The following HDAC9 variants were observed in gnomAD, a reference collection of about 807,000 sequenced individuals.
HDAC9 encodes MEF-2 interacting transcription repressor (MITR) protein.
In HDAC9, 41 loss-of-function variants were observed where a neutral mutation model predicts 139.4. The observed-to-expected ratio is 0.29, with a 90% CI of 0.23 to 0.38. The LOEUF is 0.38. Among genes scored for constraint, HDAC9 ranks in the 10% least tolerant of loss-of-function variants. HDAC9 has a pLI of 1.00. For missense variants in HDAC9, 1,147 were observed against 1,297.0 expected (o/e 0.88, Z 1.78); for synonymous variants, 517 against 476.2 (o/e 1.09, Z -1.12).
chr7:18,269,826 A>T (rs1287148899), intron 2 of HDAC9, among the ~76,000 whole-genome samples: 2 of 152,142 alleles, frequency 1.3e-5, no homozygotes, highest in Non-Finnish European at 2.9e-5. Context: ...TGGGCTGCCT[A>T]AATATGTAGT....
intron 2 of HDAC9, among the ~76,000 whole-genome samples, chr7:18,273,619 A>G (rs1376207684): frequency 6.6e-6 from 1 of 152,180 alleles, no homozygotes; most frequent in African/African-American, 2.4e-5. Context: ...AAATTGGAGG[A>G]TATTTGTGTG....
intron 13 of HDAC9, among the ~76,000 whole-genome samples, chr7:18,746,774 TA>T (rs1261101672): frequency 6.6e-6 from 1 of 152,124 alleles, no homozygotes; most frequent in East Asian, 1.9e-4. Context: ...ATTTCAAAGG[TA>T]AAAACACGAC....
At chr7:18,763,639 A>G (rs1354423149) in intron 15 of HDAC9, among the ~76,000 whole-genome samples, 1 of 152,154 alleles carries the variant, frequency 6.6e-6, no homozygotes, top group African/African-American at 2.4e-5. Flanking sequence ...TGTATAATAA[A>G]TGTTCTTATT....
intron 12 of HDAC9, among the ~76,000 whole-genome samples, chr7:18,707,336 G>T (rs1784005488): frequency 6.6e-6 from 1 of 152,228 alleles, no homozygotes; most frequent in Non-Finnish European, 1.5e-5. Context: ...AGAAGTGATG[G>T]AGGATAGATT....
At chr7:18,291,739 C>T (rs1797822540) in intron 1 of HDAC9, among the ~76,000 whole-genome samples, 1 of 152,120 alleles carries the variant, frequency 6.6e-6, no homozygotes, top group Non-Finnish European at 1.5e-5. Context: ...TTTCCCCCAC[C>T]AGCTCTGAAT....
chr7:18,980,975 C>T (rs138554468), intron 25 of HDAC9, among the ~76,000 whole-genome samples: 3 of 152,052 alleles, frequency 2.0e-5, no homozygotes, highest in African/African-American at 7.2e-5. Context: ...AGGCACGTGC[C>T]ACCATGGCCA....
intron 1 of HDAC9, among the ~76,000 whole-genome samples, chr7:18,151,169 T>C (rs181024651): frequency 1.1e-4 from 17 of 152,298 alleles, no homozygotes; most frequent in Admixed American, 9.8e-4. Context: ...AAATGAATTG[T>C]TTTGGTCCCC....
At chr7:18,416,010 G>A (rs1789021840) in intron 1 of HDAC9, among the ~76,000 whole-genome samples, 1 of 151,728 alleles carries the variant, frequency 6.6e-6, no homozygotes, top group Admixed American at 6.6e-5. Context: ...TAGAATTTTT[G>A]CAGCCAGGCT....
chr7:18,587,971 G>A (rs557653961), intron 3 of HDAC9, among the ~76,000 whole-genome samples: 1 of 152,262 alleles, frequency 6.6e-6, no homozygotes, highest in East Asian at 1.9e-4. Context: ...GAATTTAACA[G>A]TAAGGCAGAA....
At chr7:18,562,882 T>C in intron 2 of HDAC9, among the ~76,000 whole-genome samples, 1 of 152,156 alleles carries the variant, frequency 6.6e-6, no homozygotes, top group Non-Finnish European at 1.5e-5. Flanking sequence ...CCTATGAAAA[T>C]GAAATGTTTT....
chr7:18,704,064 G>A (rs1401584983), intron 12 of HDAC9, among the ~76,000 whole-genome samples: 2 of 152,130 alleles, frequency 1.3e-5, no homozygotes, highest in Non-Finnish European at 2.9e-5. Flanking sequence ...AAAACAAGAA[G>A]TACACTCTGC....
chr7:18,236,907 C>T lies in HDAC9; in HGVS notation c.25+74558C>T, dbSNP rs115884743. ...TAGTGCTTCTCCTGCAGCTTGGCAA[C>T]GTGCATCATGGTCTCAACTAGTGCT... On this transcript the variant is annotated intron_variant, in intron 2 of 12. Coordinates refer to the HDAC9 transcript ENST00000417496. Among the ~76,000 whole-genome samples, 939 of 152,280 alleles carry T rather than the reference C, an allele frequency of 6.2e-3. 10 individuals carry two copies. Among genetic ancestry groups the T allele is most frequent in the African/African-American group, 0.021 (881 of 41,548 alleles).
intron 1 of HDAC9, among the ~76,000 whole-genome samples, chr7:18,113,763 A>C (rs912919323): frequency 5.3e-5 from 8 of 152,190 alleles, no homozygotes; most frequent in African/African-American, 1.9e-4. Flanking sequence ...TGCAGTCCTT[A>C]TATTTCTCTC....
chr7:18,636,671 CT>C (rs1398594677), intron 8 of HDAC9, among the ~76,000 whole-genome samples: 1 of 152,036 alleles, frequency 6.6e-6, no homozygotes, highest in African/African-American at 2.4e-5. Context: ...CCTGTTACCC[CT>C]CTTTATCTTT....
intron 1 of HDAC9, among the ~76,000 whole-genome samples, chr7:18,329,171 T>C (rs1554375359): frequency 6.6e-6 from 1 of 151,824 alleles, no homozygotes; most frequent in Non-Finnish European, 1.5e-5. Context: ...ATTTCTGATT[T>C]TGTTTGGGTC....
intron 1 of HDAC9, among the ~76,000 whole-genome samples, chr7:18,347,036 G>A (rs539176861): frequency 5.9e-5 from 9 of 152,022 alleles, no homozygotes; most frequent in African/African-American, 2.2e-4. Context: ...CATGGGATGG[G>A]GGTTTTAAAA....
intron 11 of HDAC9, among the ~76,000 whole-genome samples, chr7:18,652,110 T>G (rs941559423): frequency 6.6e-6 from 1 of 152,142 alleles, no homozygotes; most frequent in Non-Finnish European, 1.5e-5. Context: ...ATTGCTAATA[T>G]ATGGTATTAA....
At chr7:18,653,020 T>C (rs1789823282) in intron 11 of HDAC9, among the ~76,000 whole-genome samples, 1 of 152,040 alleles carries the variant, frequency 6.6e-6, no homozygotes, top group Non-Finnish European at 1.5e-5. Flanking sequence ...GTGGATAAGC[T>C]GAGGTGGGGA....
In HDAC9 at chr7:18,593,822, G is replaced by A. The variant is rs138229779; in HGVS notation, c.543-86G>A. On this transcript the variant is annotated intron_variant, in intron 5 of 25. Coordinates refer to ENST00000686413, the MANE Select transcript of HDAC9 (RefSeq NM_178425.4). ...AAGAGCATAAACATAGCTGAGGCAC[G>A]TGTACAGCGTGTGCAGCTGATTATT... 298 of 1,397,842 alleles carry A rather than the reference G, an allele frequency of 2.1e-4. 3 individuals are homozygous for A. The South Asian group carries it at 2.4e-3, about 11-fold the overall frequency. The allele number at this position is 1,397,842 out of a possible 1,614,324, so 86.6% of individuals were successfully genotyped here.
Sources: gnomAD v4.1 joint callset for allele counts (sites outside exome capture counted in the v4.1 genomes callset) on GRCh38, gnomAD v4.1.1 for gene constraint, MANE v1.5 for transcripts, NCBI Gene and HGNC (gene_info 2026-07-23, HGNC 2026-07-21) for gene names.